VWA5B1: variants seen among roughly 807,000 people sequenced by gnomAD.
VWA5B1 encodes the protein von Willebrand factor A domain-containing protein 5B1.
VWA5B1 carries 115 observed loss-of-function variants against 118.2 expected under a neutral mutation model. The ratio of observed to expected loss-of-function variants is 0.97; its 90% CI spans 0.84 to 1.14. The LOEUF (loss-of-function observed/expected upper bound fraction) is 1.14, where lower values mean the gene tolerates loss of function less well. Among genes scored for constraint, VWA5B1 ranks in the 50% most tolerant of loss-of-function variants. VWA5B1 has a pLI of 0.00. For missense variants in VWA5B1, 1,596 were observed against 1,603.8 expected (o/e 1.00, Z 0.08); for synonymous variants, 682 against 658.4 (o/e 1.04, Z -0.55).
At chr1:20,315,793 C>T (rs2088988450) in intron 4 of VWA5B1, among the ~76,000 whole-genome samples, 1 of 152,188 alleles carries the variant, frequency 6.6e-6, no homozygotes, top group East Asian at 1.9e-4. Flanking sequence ...CGTGCAGGGC[C>T]TTGAAGGACA....
In VWA5B1 at chr1:20,354,384, G is replaced by C; in HGVS notation, c.*121G>C. ...ACTAATATTTCAGTTACTAGAAAGA[G>C]CCCTGGACTGGCAGCCAGGAGGCCT... On this transcript the variant is annotated 3_prime_UTR_variant, in exon 22 of 22. Transcript: ENST00000289815. The C allele has an allele frequency of 7.8e-7, 1 of 1,289,240 alleles. No individual in the cohort carries two copies. Among genetic ancestry groups the C allele is most frequent in the East Asian group, 2.6e-5 (1 of 39,024 alleles). 79.9% of individuals were successfully genotyped at this position (1,289,240 alleles called of 1,614,324 possible).
chr1:20,314,522 G>A lies in VWA5B1; in HGVS notation c.493G>A (p.Ala165Thr), dbSNP rs201416943. 3.7e-4 allele frequency: 575 copies of A among 1,551,578 alleles called. No homozygotes were observed. The highest frequency in any genetic ancestry group is 4.8e-4 in the Non-Finnish European group (553 of 1,147,014). Reference protein sequence around the residue: ...PSGAVRVLLPAVCAPTVPQFC... With the variant: ...PSGAVRVLLPTVCAPTVPQFC... ...CGGGGCTGTGAGGGTCCTTCTGCCTGCTGTCTGTGCCCCAACCGTGCCCCA... is the reference window on the plus strand; with the variant it reads ...CGGGGCTGTGAGGGTCCTTCTGCCTACTGTCTGTGCCCCAACCGTGCCCCA... Residue 165 changes from alanine to threonine, a missense_variant, in exon 4 of 22, where the codon GCT (alanine) becomes ACT (threonine). Coordinates refer to ENST00000289815, the MANE Select transcript of VWA5B1 (RefSeq NM_001039500.3).
Position 20,359,500 on chromosome 1 carries a change from T to TA in VWA5B1, c.*5242dup, listed in dbSNP as rs2090285241. On this transcript the variant is annotated 3_prime_UTR_variant, in exon 22 of 22. Coordinates refer to ENST00000289815, the MANE Select transcript of VWA5B1 (RefSeq NM_001039500.3). ...TACCATTATCTAGGCTTTGAGCTGA[T>TA]AAAAATTGTTGAACCTGATCATATG... Among the ~76,000 whole-genome samples the TA allele has an allele frequency of 6.6e-6, 1 of 152,204 alleles. No homozygotes were observed. The highest frequency in any genetic ancestry group is 1.5e-5 in the Non-Finnish European group (1 of 68,032).
intron 1 of VWA5B1, among the ~76,000 whole-genome samples, chr1:20,291,359 T>TTCTTTCTTTCTTTCTTTCTTTC (rs1381113890): frequency 9.7e-5 from 10 of 103,408 alleles, no homozygotes; most frequent in African/African-American, 3.3e-4. Context: ...CTTTCTTTCT[T>TTCTTTCTTTCTTTCTTTCTTTC]TCTCTCTCTC....
Position 20,358,011 on chromosome 1 carries a change from C to G in VWA5B1, c.*3748C>G, listed in dbSNP as rs12048103. ...GAACCCTGTCTCAGGCCCCTCAGCT[C>G]GAGACCAACTCCAGATGCCAGGATA... On this transcript the variant is annotated 3_prime_UTR_variant, in exon 22 of 22. Transcript: ENST00000289815. Among the ~76,000 whole-genome samples, 18,490 of 152,204 alleles carry G rather than the reference C, an allele frequency of 0.12. 1,426 individuals are homozygous for G. Among genetic ancestry groups the G allele is most frequent in the East Asian group, 0.37 (1,901 of 5,146 alleles).
intron 7 of VWA5B1, among the ~76,000 whole-genome samples, chr1:20,319,740 C>T (rs1323248290): frequency 6.6e-6 from 1 of 152,216 alleles, no homozygotes; most frequent in Non-Finnish European, 1.5e-5. Flanking sequence ...CACCTTTCTC[C>T]AGGACCTAGC....
intron 4 of VWA5B1, among the ~76,000 whole-genome samples, 200 bp downstream of exon 4, chr1:20,314,792 A>G (rs1319404092): frequency 6.6e-6 from 1 of 151,914 alleles, no homozygotes; most frequent in Non-Finnish European, 1.5e-5. Context: ...ATGCCCCTGT[A>G]ATGGTACTGG....
chr1:20,316,831 C>T (rs563309758), intron 4 of VWA5B1, among the ~76,000 whole-genome samples: 44 of 152,202 alleles, frequency 2.9e-4, no homozygotes, highest in African/African-American at 1.0e-3. Flanking sequence ...TGGCGTGACG[C>T]AGTACAAACT....
chr1:20,342,480 G>T lies in VWA5B1; in HGVS notation c.2182G>T (p.Gly728Cys), dbSNP rs1286312916. ...QDLNQGPKLR[G>C]PGARRPSLLP... ...CCTGAACCAGGGCCCCAAACTCCGT[G>T]GCCCAGGGGCCCGAAGGCCCTCTCT... The change falls in exon 15 of 22, where the codon GGC (glycine) becomes TGC (cysteine). Residue 728 changes from glycine to cysteine, a missense_variant. Coordinates refer to ENST00000289815, the MANE Select transcript of VWA5B1 (RefSeq NM_001039500.3). The T allele has an allele frequency of 6.4e-7, 1 of 1,551,138 alleles. No individual in the cohort carries two copies. Among genetic ancestry groups the T allele is most frequent in the East Asian group, 2.4e-5 (1 of 40,890 alleles).
In VWA5B1 at chr1:20,350,185, A is replaced by C; in HGVS notation, c.2908A>C (p.Ser970Arg). 6.4e-7 allele frequency: 1 copy of C among 1,551,226 alleles called. No homozygotes were observed. Among genetic ancestry groups the C allele is most frequent in the Non-Finnish European group, 8.7e-7 (1 of 1,146,986 alleles). The change falls in exon 19 of 22, where the codon AGC (serine) becomes CGC (arginine). Residue 970 changes from serine to arginine, a missense_variant. Transcript: ENST00000289815. ...DMEASPTALFSEARSPGREKH... is the reference protein window; with the variant it reads ...DMEASPTALFREARSPGREKH... Reference sequence around the variant, plus strand: ...GGAGGCAAGTCCCACTGCTCTCTTCAGCGAGGCCAGGTCCCCCGGCCGCGA... The same window carrying C: ...GGAGGCAAGTCCCACTGCTCTCTTCCGCGAGGCCAGGTCCCCCGGCCGCGA...
intron 6 of VWA5B1, 56 bp from the exon 7 acceptor site, chr1:20,319,326 G>T: frequency 6.5e-7 from 1 of 1,543,354 alleles, no homozygotes; most frequent in Non-Finnish European, 8.8e-7. Context: ...AAAGCCCCCA[G>T]CATCCTTCTC....
intron 1 of VWA5B1, among the ~76,000 whole-genome samples, chr1:20,305,671 G>C (rs2088629470): frequency 6.6e-6 from 1 of 152,052 alleles, no homozygotes; most frequent in Non-Finnish European, 1.5e-5. Context: ...TTGGAGAGGT[G>C]GGCAGTGGCC....
At chr1:20,298,600 G>A (rs550808066) in intron 1 of VWA5B1, among the ~76,000 whole-genome samples, 2 of 152,140 alleles carry the variant, frequency 1.3e-5, no homozygotes, top group African/African-American at 2.4e-5. Flanking sequence ...GCAGTGAGGC[G>A]AGCTCTACTT....
intron 14 of VWA5B1, among the ~76,000 whole-genome samples, chr1:20,342,029 T>C (rs2089887023): frequency 6.6e-6 from 1 of 152,070 alleles, no homozygotes. Context: ...TAGAATATTT[T>C]TTGAGTGAGA....
At chr1:20,303,788 C>G (rs2088566397) in intron 1 of VWA5B1, among the ~76,000 whole-genome samples, 1 of 152,200 alleles carries the variant, frequency 6.6e-6, no homozygotes, top group Non-Finnish European at 1.5e-5. Flanking sequence ...CCCCAGGAGC[C>G]CTGACACAGC....
chr1:20,340,603 T>G (rs2089851123), intron 14 of VWA5B1, among the ~76,000 whole-genome samples: 1 of 152,238 alleles, frequency 6.6e-6, no homozygotes, highest in Non-Finnish European at 1.5e-5. Context: ...TAAGTGTCTT[T>G]TCGCCCTCAT....
At chr1:20,316,117 A>C (rs766881940) in intron 4 of VWA5B1, among the ~76,000 whole-genome samples, 1 of 152,240 alleles carries the variant, frequency 6.6e-6, no homozygotes, top group African/African-American at 2.4e-5. Context: ...GACACAAGAC[A>C]AAATTCAAAA....
intron 15 of VWA5B1, 146 bp from the exon 16 acceptor site, chr1:20,342,933 C>A: frequency 7.2e-7 from 1 of 1,380,068 alleles, no homozygotes; most frequent in South Asian, 1.6e-5. Context: ...CCTAGGAAAG[C>A]AGTTGGAGTT....
chr1:20,305,507 C>T (rs1273523594), intron 1 of VWA5B1, among the ~76,000 whole-genome samples: 1 of 151,816 alleles, frequency 6.6e-6, no homozygotes, highest in Admixed American at 6.6e-5. Flanking sequence ...ATGCATCAGC[C>T]CCCCAAGGAG....
Sources: gnomAD v4.1 joint callset for allele counts (sites outside exome capture counted in the v4.1 genomes callset) on GRCh38, gnomAD v4.1.1 for gene constraint, MANE v1.5 for transcripts, NCBI Gene and HGNC (gene_info 2026-07-23, HGNC 2026-07-21) for gene names.